Variants in DCC observed in about 807,000 individuals in gnomAD.
DCC encodes DCC netrin 1 receptor.
In DCC, 58 loss-of-function variants were observed where a neutral mutation model predicts 172.5. That is an observed-to-expected ratio of 0.34 (90% confidence interval 0.27 to 0.42). DCC has a LOEUF of 0.42. Ranked by LOEUF, DCC falls within the 10% of genes least tolerant of loss-of-function variation. DCC has a pLI of 1.00. For synonymous variants in DCC, 709 were observed against 644.5 expected (o/e 1.10, Z -1.52); for missense variants, 1,740 against 1,791.0 (o/e 0.97, Z 0.51).
intron 14 of DCC, among the ~76,000 whole-genome samples, chr18:53,333,294 G>A (rs1375196216): frequency 1.3e-5 from 2 of 152,238 alleles, no homozygotes; most frequent in African/African-American, 4.8e-5. Flanking sequence ...GACATGCCTG[G>A]AAAGGCAGAG....
intron 2 of DCC, among the ~76,000 whole-genome samples, chr18:52,884,819 CT>C (rs1448456931): frequency 1.3e-5 from 2 of 152,066 alleles, no homozygotes; most frequent in Non-Finnish European, 1.5e-5. Flanking sequence ...ACAGTCTGGG[CT>C]TGTTTGTGCC....
chr18:52,401,750 C>CT (rs1015095525), intron 1 of DCC, among the ~76,000 whole-genome samples: 3 of 151,914 alleles, frequency 2.0e-5, no homozygotes, highest in African/African-American at 7.3e-5. Flanking sequence ...AAAGAACAAG[C>CT]TTTTTTTCTG....
chr18:53,351,291 G>GTATATA (rs147758557), intron 15 of DCC, among the ~76,000 whole-genome samples: 4,837 of 34,268 alleles, frequency 0.14, 714 homozygotes, highest in South Asian at 0.23. Flanking sequence ...ATTGAGTACA[G>GTATATA]TATATATATA....
At chr18:52,702,455 C>T (rs2036141742) in intron 1 of DCC, among the ~76,000 whole-genome samples, 1 of 152,150 alleles carries the variant, frequency 6.6e-6, no homozygotes, top group South Asian at 2.1e-4. Context: ...GAGTATGGTT[C>T]TTATACAACC....
chr18:53,519,803 T>C (rs753156527), intron 27 of DCC, among the ~76,000 whole-genome samples: 68 of 152,154 alleles, frequency 4.5e-4, no homozygotes, highest in Non-Finnish European at 9.3e-4. Context: ...ACAATCTAGA[T>C]CTACCAACAT....
Position 53,020,257 on chromosome 18 carries a change from A to AT in DCC, c.986-43045dup, listed in dbSNP as rs567666061. Among the ~76,000 whole-genome samples, 13 of 152,300 alleles carry AT rather than the reference A, an allele frequency of 8.5e-5. No individual in the cohort carries two copies. The East Asian group carries it at 1.2e-3, about 14-fold the overall frequency. Reference sequence around the variant, plus strand: ...ATGCCCAAAACATACTTTTGGCTTGATTTGGCCATAGATCATCTTGTTATA... The same window carrying AT: ...ATGCCCAAAACATACTTTTGGCTTGATTTTGGCCATAGATCATCTTGTTATA... On this transcript the variant is annotated intron_variant, in intron 5 of 28. Transcript: ENST00000442544.
At chr18:52,992,985 A>T (rs1473795806) in intron 5 of DCC, among the ~76,000 whole-genome samples, 31 of 76,936 alleles carry the variant, frequency 4.0e-4, no homozygotes, top group South Asian at 1.2e-3. Flanking sequence ...TCTCAAATTT[A>T]AAAAAAAAAA....
At chr18:53,313,142 A>C (rs2057302180) in intron 13 of DCC, among the ~76,000 whole-genome samples, 1 of 152,132 alleles carries the variant, frequency 6.6e-6, no homozygotes, top group Non-Finnish European at 1.5e-5. Flanking sequence ...GATATCAGCT[A>C]TCAGAGTTGG....
intron 15 of DCC, among the ~76,000 whole-genome samples, chr18:53,382,856 G>A (rs1907873996): frequency 6.6e-6 from 1 of 152,018 alleles, no homozygotes; most frequent in Non-Finnish European, 1.5e-5. Flanking sequence ...GTGGTTTAGA[G>A]TCTCAATATC....
intron 1 of DCC, among the ~76,000 whole-genome samples, chr18:52,545,988 A>G (rs939317343): frequency 2.6e-5 from 4 of 152,226 alleles, no homozygotes; most frequent in African/African-American, 9.6e-5. Context: ...CCCGTCATTT[A>G]AGTGTCAAAT....
chr18:53,208,555 G>C (rs2055694224), intron 11 of DCC, among the ~76,000 whole-genome samples: 1 of 151,884 alleles, frequency 6.6e-6, no homozygotes, highest in South Asian at 2.1e-4. Flanking sequence ...ATATCAAAAG[G>C]AATTAGGCCA....
chr18:52,927,218 C>CAT (rs1206976784), intron 5 of DCC, among the ~76,000 whole-genome samples: 1 of 111,646 alleles, frequency 9.0e-6, no homozygotes, highest in African/African-American at 3.2e-5. Context: ...TACATATACA[C>CAT]ATATATGCAC....
chr18:53,249,864 G>A (rs1469471460), intron 12 of DCC, among the ~76,000 whole-genome samples: 4 of 151,850 alleles, frequency 2.6e-5, no homozygotes, highest in Admixed American at 1.3e-4. Flanking sequence ...ACATTTATAA[G>A]GAAGCTAATG....
intron 7 of DCC, among the ~76,000 whole-genome samples, chr18:53,076,723 A>G (rs2042729808): frequency 6.6e-6 from 1 of 152,142 alleles, no homozygotes; most frequent in Non-Finnish European, 1.5e-5. Flanking sequence ...TTCAGTCAAG[A>G]TGAATTTCTA....
At chr18:52,969,035 C>G (rs138629030) in intron 5 of DCC, among the ~76,000 whole-genome samples, 1 of 152,122 alleles carries the variant, frequency 6.6e-6, no homozygotes, top group Non-Finnish European at 1.5e-5. Flanking sequence ...AACGGTTCTC[C>G]TGGTCTCACT....
chr18:53,182,105 G>A (rs563317711), intron 9 of DCC, among the ~76,000 whole-genome samples: 17 of 152,264 alleles, frequency 1.1e-4, no homozygotes, highest in African/African-American at 2.4e-4. Flanking sequence ...AACAATTAGC[G>A]TAAATGATAA....
intron 27 of DCC, among the ~76,000 whole-genome samples, chr18:53,510,293 C>A (rs1317498726): frequency 5.3e-5 from 8 of 152,132 alleles, no homozygotes; most frequent in Non-Finnish European, 5.9e-5. Flanking sequence ...GGTTGAACAG[C>A]ATATGCAATC....
chr18:53,512,049 C>T (rs1290293757), intron 27 of DCC, among the ~76,000 whole-genome samples: 1 of 152,152 alleles, frequency 6.6e-6, no homozygotes, highest in Non-Finnish European at 1.5e-5. Flanking sequence ...CCTCTGCAGA[C>T]TTAAATGTCC....
chr18:52,620,650 T>A (rs1407684952), intron 1 of DCC, among the ~76,000 whole-genome samples: 1 of 140,378 alleles, frequency 7.1e-6, no homozygotes, highest in Non-Finnish European at 1.6e-5. Context: ...TACTTTTTAG[T>A]TATAGCAAAT....
Sources: gnomAD v4.1 joint callset for allele counts (sites outside exome capture counted in the v4.1 genomes callset) on GRCh38, gnomAD v4.1.1 for gene constraint, MANE v1.5 for transcripts, NCBI Gene and HGNC (gene_info 2026-07-23, HGNC 2026-07-21) for gene names.